CCDC171: variants seen among roughly 807,000 people sequenced by gnomAD.
The protein encoded by CCDC171 is coiled-coil domain containing 171.
CCDC171 carries 177 observed loss-of-function variants against 168.2 expected under a neutral mutation model. That is an observed-to-expected ratio of 1.05 (90% CI 0.93 to 1.19). The LOEUF is 1.19. Ranked by LOEUF, CCDC171 falls within the 50% of genes most tolerant of loss-of-function variation. CCDC171 has a pLI of 0.00. For missense variants in CCDC171, 1,991 were observed against 1,539.0 expected (o/e 1.29, Z -4.91); for synonymous variants, 687 against 540.8 (o/e 1.27, Z -3.75).
At chr9:15,734,506 C>G (rs1313810540) in intron 16 of CCDC171, among the ~76,000 whole-genome samples, 1 of 152,068 alleles carries the variant, frequency 6.6e-6, no homozygotes, top group East Asian at 1.9e-4. Context: ...CCATTTCACT[C>G]CAGCCTGGGC....
At chr9:15,822,600 A>G (rs372270491) in intron 21 of CCDC171, among the ~76,000 whole-genome samples, 6 of 152,162 alleles carry the variant, frequency 3.9e-5, no homozygotes, top group African/African-American at 7.2e-5. Flanking sequence ...ATCATCACTG[A>G]CCATCAGAGA....
intron 6 of CCDC171, among the ~76,000 whole-genome samples, chr9:16,028,906 T>C (rs1833321404): frequency 6.6e-6 from 1 of 152,088 alleles, no homozygotes; most frequent in South Asian, 2.1e-4. Context: ...TTTCCTTCCT[T>C]CCTTTTCATG....
At chr9:15,859,767 C>T (rs767501479) in intron 23 of CCDC171, among the ~76,000 whole-genome samples, 16 of 151,746 alleles carry the variant, frequency 1.1e-4, no homozygotes, top group Non-Finnish European at 1.9e-4. Context: ...TCAAGAGATC[C>T]TCCTACCTCA....
intron 21 of CCDC171, among the ~76,000 whole-genome samples, chr9:15,815,002 C>G (rs903486766): frequency 1.3e-5 from 2 of 152,166 alleles, no homozygotes; most frequent in Non-Finnish European, 2.9e-5. Flanking sequence ...CATGAAAAAT[C>G]TTAGACATTG....
chr9:15,730,081 C>T (rs1402981189), intron 16 of CCDC171, among the ~76,000 whole-genome samples: 1 of 151,724 alleles, frequency 6.6e-6, no homozygotes, highest in East Asian at 1.9e-4. Flanking sequence ...AATTATATTT[C>T]CTTTATTTAT....
intron 24 of CCDC171, among the ~76,000 whole-genome samples, chr9:15,896,981 G>T (rs1243438691): frequency 3.3e-5 from 5 of 151,896 alleles, no homozygotes; most frequent in Admixed American, 2.6e-4. Context: ...TAATTTTCCG[G>T]GCAGTGCAAG....
intron 1 of CCDC171, among the ~76,000 whole-genome samples, chr9:16,054,899 A>G (rs1006519861): frequency 2.6e-5 from 4 of 152,210 alleles, no homozygotes; most frequent in African/African-American, 9.6e-5. Context: ...CATATATCCA[A>G]ACACGCAGGG....
chr9:15,765,617 G>A (rs2056679735), intron 18 of CCDC171, among the ~76,000 whole-genome samples: 1 of 152,188 alleles, frequency 6.6e-6, no homozygotes, highest in Non-Finnish European at 1.5e-5. Context: ...TATCAATTGA[G>A]ATGGAGGAAG....
At chr9:15,961,477 G>T (rs1318430156) in intron 25 of CCDC171, among the ~76,000 whole-genome samples, 1 of 152,154 alleles carries the variant, frequency 6.6e-6, no homozygotes, top group Non-Finnish European at 1.5e-5. Context: ...AGTTGCATTT[G>T]CGCAGAGTAG....
intron 10 of CCDC171, among the ~76,000 whole-genome samples, chr9:15,683,553 T>C (rs1236979320): frequency 1.3e-5 from 2 of 152,050 alleles, no homozygotes; most frequent in African/African-American, 4.8e-5. Flanking sequence ...TAAATATCAC[T>C]TTCCGTTTCT....
At chr9:15,911,026 A>T (rs1394629523) in intron 24 of CCDC171, among the ~76,000 whole-genome samples, 1 of 152,154 alleles carries the variant, frequency 6.6e-6, no homozygotes, top group African/African-American at 2.4e-5. Context: ...GTGTCTTTAT[A>T]GTAGCATGAT....
chr9:15,813,606 T>TTG (rs140437207), intron 21 of CCDC171, among the ~76,000 whole-genome samples: 50,731 of 149,572 alleles, frequency 0.34, 8,720 homozygotes, highest in Non-Finnish European at 0.39. Flanking sequence ...TTACATGTAT[T>TTG]TGTGTGTGTG....
intron 4 of CCDC171, among the ~76,000 whole-genome samples, chr9:15,580,184 G>A (rs930677084): frequency 2.7e-4 from 41 of 152,186 alleles, no homozygotes; most frequent in African/African-American, 9.1e-4. Context: ...GAGTGAAGCT[G>A]GATCTTTATC....
At chr9:16,007,649 A>G (rs1832746422) in intron 3 of CCDC171, among the ~76,000 whole-genome samples, 1 of 152,174 alleles carries the variant, frequency 6.6e-6, no homozygotes, top group Non-Finnish European at 1.5e-5. Flanking sequence ...CTTTCTACAT[A>G]TGGCTAGCCA....
chr9:15,749,038 C>T (rs1159120953), intron 18 of CCDC171, among the ~76,000 whole-genome samples: 1 of 151,906 alleles, frequency 6.6e-6, no homozygotes, highest in East Asian at 1.9e-4. Context: ...GATAAAGAGT[C>T]AAGACCCATT....
intron 11 of CCDC171, among the ~76,000 whole-genome samples, chr9:15,716,269 G>T (rs917799374): frequency 2.6e-5 from 4 of 152,074 alleles, no homozygotes; most frequent in African/African-American, 9.7e-5. Flanking sequence ...TCTTCATTTG[G>T]AATTTCACTT....
intron 24 of CCDC171, among the ~76,000 whole-genome samples, chr9:15,917,489 T>C (rs1404571941): frequency 6.6e-6 from 1 of 151,724 alleles, no homozygotes; most frequent in Non-Finnish European, 1.5e-5. Flanking sequence ...TTTTTAGTGT[T>C]ATAAAGAAGT....
chr9:16,044,957 A>G (rs1173699067), intron 1 of CCDC171, among the ~76,000 whole-genome samples: 2 of 152,192 alleles, frequency 1.3e-5, no homozygotes, highest in East Asian at 3.8e-4. Flanking sequence ...ATTCTGCCCA[A>G]TCTGGTCTCT....
At chr9:15,773,608 C>A (rs7045018) in intron 18 of CCDC171, among the ~76,000 whole-genome samples, 74,844 of 151,928 alleles carry the variant, frequency 0.49, 18,843 homozygotes, top group East Asian at 0.76. Context: ...ACATTTACAA[C>A]AGTCTAGACA....
Sources: allele counts gnomAD v4.1 joint callset (sites outside exome capture counted in the v4.1 genomes callset), GRCh38; gene constraint gnomAD v4.1.1; transcripts MANE v1.5; gene names NCBI Gene and HGNC (gene_info 2026-07-23, HGNC 2026-07-21).